The following DLG2 variants were observed in gnomAD, a reference collection of about 807,000 sequenced individuals.
DLG2 encodes discs large MAGUK scaffold protein 2.
In DLG2, 45 loss-of-function variants were observed where a neutral mutation model predicts 132.5. That is an observed-to-expected ratio of 0.34 (90% CI 0.27 to 0.44). The LOEUF is 0.44. Among genes scored for constraint, DLG2 ranks in the 20% least tolerant of loss-of-function variants. The pLI is 1.00. For missense variants in DLG2, 1,045 were observed against 1,196.9 expected (o/e 0.87, Z 1.87); for synonymous variants, 424 against 419.6 (o/e 1.01, Z -0.13).
At chr11:84,161,433 T>C (rs1359366250) in intron 9 of DLG2, among the ~76,000 whole-genome samples, 2 of 152,124 alleles carry the variant, frequency 1.3e-5, no homozygotes, top group African/African-American at 2.4e-5. Context: ...TTGCTTGACA[T>C]AGAGGCTTTG....
rs181257548 is a variant in DLG2 at position 84,171,185 on chromosome 11, C to G, written c.574-7674G>C. ...AAGAAAGTTTTGCTCTACTTCAAAC[C>G]AAAAGAAAAAACTTGAGGAGGCTGA... On this transcript the variant is annotated intron_variant, in intron 8 of 27. Transcript: ENST00000376104. 2.8e-3 allele frequency among the ~76,000 whole-genome samples: 433 copies of G among 152,134 alleles called. 4 individuals are homozygous for G. The highest frequency in any genetic ancestry group is 0.01 in the African/African-American group (423 of 41,522).
intron 18 of DLG2, among the ~76,000 whole-genome samples, chr11:83,706,496 C>A (rs1300145089): frequency 6.6e-6 from 1 of 152,064 alleles, no homozygotes; most frequent in Non-Finnish European, 1.5e-5. Context: ...CTTCCATAAT[C>A]CCCAGGAAAG....
intron 18 of DLG2, among the ~76,000 whole-genome samples, chr11:83,742,277 G>C (rs1261536511): frequency 6.6e-6 from 1 of 151,072 alleles, no homozygotes; most frequent in Non-Finnish European, 1.5e-5. Flanking sequence ...ATGTTAATTT[G>C]ACTGACTGTA....
At chr11:85,569,027 TTTTG>T (rs762038256) in intron 3 of DLG2, among the ~76,000 whole-genome samples, 9 of 152,230 alleles carry the variant, frequency 5.9e-5, no homozygotes, top group Non-Finnish European at 1.0e-4. Flanking sequence ...CTTCTTTCTT[TTTTG>T]TTTGTTTGTT....
chr11:85,507,444 G>C (rs1248362282), intron 3 of DLG2, among the ~76,000 whole-genome samples: 1 of 152,064 alleles, frequency 6.6e-6, no homozygotes, highest in Admixed American at 6.6e-5. Context: ...TGTCTGTAAA[G>C]GATTTTATTT....
chr11:84,069,620 C>T (rs2096727437), intron 10 of DLG2, among the ~76,000 whole-genome samples: 1 of 152,204 alleles, frequency 6.6e-6, no homozygotes, highest in South Asian at 2.1e-4. Context: ...AAGCCATCTC[C>T]TACAGTGAAT....
chr11:83,853,234 G>A (rs1286895018), intron 16 of DLG2, among the ~76,000 whole-genome samples: 3 of 152,070 alleles, frequency 2.0e-5, no homozygotes, highest in Non-Finnish European at 2.9e-5. Context: ...TCTGCCAGCA[G>A]TTGGCTTCCT....
chr11:84,570,965 C>T (rs2099481330), intron 6 of DLG2, among the ~76,000 whole-genome samples: 2 of 152,096 alleles, frequency 1.3e-5, no homozygotes, highest in Admixed American at 1.3e-4. Flanking sequence ...TGTCTTTTGA[C>T]ATTTAAAAGT....
At chr11:85,037,491 A>C (rs555579382) in intron 6 of DLG2, among the ~76,000 whole-genome samples, 1 of 152,348 alleles carries the variant, frequency 6.6e-6, no homozygotes, top group South Asian at 2.1e-4. Flanking sequence ...ATTTCAGAAA[A>C]GATATATAAA....
At chr11:85,549,056 C>G (rs2076503344) in intron 3 of DLG2, among the ~76,000 whole-genome samples, 1 of 152,120 alleles carries the variant, frequency 6.6e-6, no homozygotes, top group Non-Finnish European at 1.5e-5. Flanking sequence ...ACTCCTGCGG[C>G]TAGTTCAGAG....
At chr11:84,747,310 C>T (rs1048095454) in intron 6 of DLG2, among the ~76,000 whole-genome samples, 19 of 152,048 alleles carry the variant, frequency 1.2e-4, no homozygotes, top group Non-Finnish European at 2.4e-4. Flanking sequence ...CATATTCATA[C>T]ATATTCACAC....
intron 18 of DLG2, among the ~76,000 whole-genome samples, chr11:83,724,591 G>A (rs543521771): frequency 4.6e-5 from 7 of 151,882 alleles, no homozygotes; most frequent in African/African-American, 1.7e-4. Context: ...CAAACTCAGA[G>A]TGTGATTCTG....
chr11:84,701,590 G>A (rs998193851), intron 6 of DLG2, among the ~76,000 whole-genome samples: 12 of 151,482 alleles, frequency 7.9e-5, no homozygotes, highest in Non-Finnish European at 1.6e-4. Context: ...CAATTGAAAG[G>A]GAATTTGGAA....
chr11:84,727,235 A>C (rs931201441), intron 6 of DLG2, among the ~76,000 whole-genome samples: 2 of 152,144 alleles, frequency 1.3e-5, no homozygotes, highest in African/African-American at 4.8e-5. Context: ...CAGGTCTTAC[A>C]TTTAAGTCTT....
At chr11:85,003,344 T>C (rs1358247437) in intron 6 of DLG2, among the ~76,000 whole-genome samples, 1 of 152,108 alleles carries the variant, frequency 6.6e-6, no homozygotes, top group African/African-American at 2.4e-5. Flanking sequence ...TATTCAGAAG[T>C]AGTTAATACC....
intron 7 of DLG2, among the ~76,000 whole-genome samples, chr11:84,331,970 A>C (rs895925891): frequency 3.6e-4 from 54 of 152,098 alleles, no homozygotes; most frequent in African/African-American, 1.3e-3. Flanking sequence ...ACCTGGTGCA[A>C]ATTTATTAGG....
chr11:83,903,755 T>C (rs997086854), intron 15 of DLG2, among the ~76,000 whole-genome samples: 1 of 152,154 alleles, frequency 6.6e-6, no homozygotes. Flanking sequence ...TTCCAGAAAT[T>C]AGAAGCAAAC....
intron 2 of DLG2, among the ~76,000 whole-genome samples, chr11:85,608,704 G>A (rs889421797): frequency 2.6e-5 from 4 of 152,096 alleles, no homozygotes; most frequent in African/African-American, 9.7e-5. Flanking sequence ...AGGGGGTGGG[G>A]AATTTGGCCC....
chr11:83,737,043 G>T (rs2091989602), intron 18 of DLG2, among the ~76,000 whole-genome samples: 1 of 152,150 alleles, frequency 6.6e-6, no homozygotes, highest in African/African-American at 2.4e-5. Context: ...ATCTCATTTT[G>T]TAATTAAGCC....
Sources: allele counts gnomAD v4.1 joint callset (sites outside exome capture counted in the v4.1 genomes callset), GRCh38; gene constraint gnomAD v4.1.1; transcripts MANE v1.5; gene names NCBI Gene and HGNC (gene_info 2026-07-23, HGNC 2026-07-21).